NCAPH: variants seen among roughly 807,000 people sequenced by gnomAD.
NCAPH encodes the protein non-SMC condensin I complex subunit H, also known as condensin complex subunit 2.
Under a neutral mutation model 85.5 loss-of-function variants are expected in NCAPH, and 38 were observed. The ratio of observed to expected loss-of-function variants is 0.44; its 90% CI spans 0.34 to 0.58. NCAPH has a LOEUF of 0.58. Ranked by LOEUF, NCAPH falls within the 20% of genes least tolerant of loss-of-function variation. The pLI is 0.01. For missense variants in NCAPH, 789 were observed against 916.6 expected, an observed-to-expected ratio of 0.86 and a Z score of 1.80; for synonymous variants, 301 against 335.1, an observed-to-expected ratio of 0.90 and a Z score of 1.11.
At chr2:96,344,257 T>G (rs746902059) in intron 6 of NCAPH, 28 bp downstream of exon 6, 5 of 1,578,540 alleles carry the variant, frequency 3.2e-6, no homozygotes, top group Middle Eastern at 1.7e-4. Context: ...CAGTGTGGTT[T>G]CTGACTAATT....
chr2:96,353,713 G>A (rs956609310), intron 8 of NCAPH, among the ~76,000 whole-genome samples: 4 of 152,068 alleles, frequency 2.6e-5, no homozygotes, highest in African/African-American at 7.2e-5. Flanking sequence ...TATCCCAGTG[G>A]CCTCGAATCT....
In NCAPH at chr2:96,342,790, T is replaced by C. The variant is rs1180118691; in HGVS notation, c.398T>C (p.Leu133Ser). The change falls in exon 4 of 18, where the codon TTG becomes TCG. Residue 133 changes from leucine to serine, a missense_variant. Physicochemically the swap from Leu to Ser is moderately radical, Grantham distance 145. Transcript: ENST00000240423. ...ACCAAGAATGCTTTTGGTTTGCACT[T>C]GATTGATTTTATGTCAGAGATTCTT... ...ITTKNAFGLH[L>S]IDFMSEILKQ... is the part of the protein sequence containing the mutation. 1 of 1,612,988 alleles carries C rather than the reference T, an allele frequency of 6.2e-7. No individual in the cohort carries two copies. The highest frequency in any genetic ancestry group is 1.7e-5 in the Admixed American group (1 of 59,822).
At chr2:96,360,825 CA>C in intron 12 of NCAPH, 115 bp downstream of exon 12, 2 of 1,339,300 alleles carry the variant, frequency 1.5e-6, no homozygotes, top group Non-Finnish European at 2.1e-6. Flanking sequence ...ATGTGTTAGC[CA>C]AAGCGTGTTG....
At chr2:96,344,007 T>C in intron 5 of NCAPH, 98 bp from the exon 6 acceptor site, 1 of 1,470,918 alleles carries the variant, frequency 6.8e-7, no homozygotes, top group Non-Finnish European at 9.1e-7. Flanking sequence ...TGGCCTCACA[T>C]GTTTAAATTA....
At chr2:96,347,623 TG>T (rs1304886053) in intron 6 of NCAPH, among the ~76,000 whole-genome samples, 1 of 151,760 alleles carries the variant, frequency 6.6e-6, no homozygotes, top group African/African-American at 2.4e-5. Context: ...GAGTGGGAGA[TG>T]GGGGCTGTGG....
At chr2:96,373,208 C>T (rs2064796186) in intron 17 of NCAPH, 84 bp from the exon 18 acceptor site, 4 of 1,155,400 alleles carry the variant, frequency 3.5e-6, no homozygotes, top group Admixed American at 3.7e-5. Context: ...TCTTTGTAGT[C>T]ACTACCTTGT....
rs550199929 is a variant in NCAPH, at chr2:96,358,561, T to C, written c.1209-484T>C. Among the ~76,000 whole-genome samples the C allele has an allele frequency of 8.1e-3, 1,237 of 152,194 alleles. 12 individuals are homozygous for C. Among genetic ancestry groups the C allele is most frequent in the African/African-American group, 0.028 (1,176 of 41,520 alleles). ...TCGGCTCACTGCAAGCTCCACCTCC[T>C]GGGTTCACGCCATTCTCCTGCCTCA... On this transcript the variant is annotated intron_variant, in intron 9 of 17. Coordinates refer to ENST00000240423, the MANE Select transcript of NCAPH (RefSeq NM_015341.5).
At chr2:96,365,417 G>A (rs539928879) in intron 13 of NCAPH, among the ~76,000 whole-genome samples, 2 of 148,828 alleles carry the variant, frequency 1.3e-5, no homozygotes, top group African/African-American at 2.5e-5. Context: ...CCCCCTGCCC[G>A]AAGATACTGA....
chr2:96,340,411 A>G (rs1382917337), intron 1 of NCAPH, among the ~76,000 whole-genome samples: 1 of 113,250 alleles, frequency 8.8e-6, no homozygotes, highest in African/African-American at 3.5e-5. Flanking sequence ...TTTTTTTGAG[A>G]CGGAGTTTCA....
At chr2:96,350,023 A>G (rs764173101) in intron 6 of NCAPH, among the ~76,000 whole-genome samples, 1 of 152,270 alleles carries the variant, frequency 6.6e-6, no homozygotes, top group Admixed American at 6.5e-5. Context: ...CAAAAGCCAT[A>G]GCACAGGAAG....
At chr2:96,340,383 C>CTTTTTTTTTT (rs908160989) in intron 1 of NCAPH, among the ~76,000 whole-genome samples, 1 of 91,240 alleles carries the variant, frequency 1.1e-5, no homozygotes, top group Admixed American at 1.3e-4. Context: ...TAATAAGCAT[C>CTTTTTTTTTT]TTTTTTTTTT....
rs2064332043 is a variant in NCAPH, at chr2:96,344,107, G to A, written c.598G>A (p.Gly200Arg). ...CGCAATTGTATTTCTCCTTTTAGAT[G>A]GAAGTGCTACTGAAATGGGAACAAC... The part of the protein sequence containing the change: ...LEEVEGHVAD[G>R]SATEMGTTKK... The change falls in exon 6 of 18, where the codon GGA (glycine) becomes AGA (arginine). Residue 200 changes from glycine to arginine, a missense_variant and splice_region_variant. Coordinates refer to ENST00000240423, the MANE Select transcript of NCAPH (RefSeq NM_015341.5). 2.5e-6 allele frequency: 4 copies of A among 1,610,512 alleles called. No individual in the cohort carries two copies. The highest frequency in any genetic ancestry group is 3.4e-5 in the Admixed American group (2 of 58,880).
intron 9 of NCAPH, among the ~76,000 whole-genome samples, chr2:96,355,790 C>T (rs529976463): frequency 2.0e-5 from 3 of 151,810 alleles, no homozygotes; most frequent in Non-Finnish European, 2.9e-5. Context: ...TACAGGCGCC[C>T]GCCACCATGC....
At position 96,344,132 on chromosome 2, in the gene NCAPH, C is replaced by T. The variant is rs368106553; in HGVS notation, c.623C>T (p.Thr208Ile). The T allele has an allele frequency of 5.6e-6, 9 of 1,612,966 alleles. No homozygotes were observed. The African/African-American group carries it at 1.2e-4, about 22-fold the overall frequency. Residue 208 changes from threonine (T) to isoleucine (I), a missense_variant, in exon 6 of 18, where the codon ACC (threonine) becomes ATC (isoleucine). Physicochemically the swap from Thr to Ile is moderately conservative, Grantham distance 89. Transcript: ENST00000240423. ...GGAAGTGCTACTGAAATGGGAACAA[C>T]CAAAAAGGCTGTAAAGCCAAAGAAG... ...ADGSATEMGT[T>I]KKAVKPKKKH... is the part of the protein sequence containing the mutation.
At chr2:96,353,245 G>T in intron 7 of NCAPH, 61 bp from the exon 8 acceptor site, 1 of 1,346,488 alleles carries the variant, frequency 7.4e-7, no homozygotes, top group Non-Finnish European at 1.1e-6. Context: ...ATTCTGAAGG[G>T]AGTAAGGAAT....
intron 17 of NCAPH, 70 bp from the exon 18 acceptor site, chr2:96,373,222 T>G: frequency 7.4e-7 from 1 of 1,345,614 alleles, no homozygotes; most frequent in Non-Finnish European, 1.1e-6. Context: ...ACCTTGTGAC[T>G]GTGATTGGAA....
At chr2:96,373,020 G>A (rs886994954) in intron 17 of NCAPH, among the ~76,000 whole-genome samples, 4 of 152,074 alleles carry the variant, frequency 2.6e-5, no homozygotes, top group South Asian at 4.1e-4. Context: ...CAGGGCAGAC[G>A]GCTCAGCTCT....
chr2:96,354,962 A>G (rs978627185), intron 9 of NCAPH, among the ~76,000 whole-genome samples: 1 of 152,252 alleles, frequency 6.6e-6, no homozygotes, highest in African/African-American at 2.4e-5. Flanking sequence ...TGGTGACTCT[A>G]AGCCACCAAT....
intron 6 of NCAPH, among the ~76,000 whole-genome samples, chr2:96,347,646 G>T (rs2104438508): frequency 6.6e-6 from 1 of 152,270 alleles, no homozygotes; most frequent in African/African-American, 2.4e-5. Context: ...GGGGTGGGAG[G>T]TGGCATCAGA....
Sources: allele counts gnomAD v4.1 joint callset (sites outside exome capture counted in the v4.1 genomes callset), GRCh38; gene constraint gnomAD v4.1.1; transcripts MANE v1.5; gene names NCBI Gene and HGNC (gene_info 2026-07-23, HGNC 2026-07-21).